TCAIM: variants seen among roughly 807,000 people sequenced by gnomAD.
TCAIM encodes the protein T cell activation inhibitor, mitochondrial, also known as T-cell activation inhibitor, mitochondrial.
Under a neutral mutation model 58.6 loss-of-function variants are expected in TCAIM, and 36 were observed. The ratio of observed to expected loss-of-function variants is 0.61; its 90% confidence interval spans 0.47 to 0.81. The LOEUF (loss-of-function observed/expected upper bound fraction) is 0.81, where lower values mean the gene tolerates loss of function less well. Ranked by LOEUF, TCAIM falls within the 30% of genes least tolerant of loss-of-function variation. TCAIM has a pLI of 0.00. For missense variants in TCAIM, 466 were observed against 579.6 expected (o/e 0.80, Z 2.01); for synonymous variants, 172 against 193.6 (o/e 0.89, Z 0.93).
chr3:44,347,767 A>C (rs374005859), intron 1 of TCAIM, among the ~76,000 whole-genome samples: 150 of 152,214 alleles, frequency 9.9e-4, no homozygotes, highest in African/African-American at 3.5e-3. Flanking sequence ...GTGGGATGGG[A>C]TATTGGCCTT....
intron 9 of TCAIM, 131 bp from the exon 10 acceptor site, chr3:44,401,072 T>C (rs1575281402): frequency 7.6e-7 from 1 of 1,317,668 alleles, no homozygotes. Context: ...TTTAAGTCAA[T>C]GTTGCTGTAC....
chr3:44,345,041 C>T (rs1231858047), intron 1 of TCAIM, among the ~76,000 whole-genome samples: 1 of 152,030 alleles, frequency 6.6e-6, no homozygotes, highest in Admixed American at 6.5e-5. Flanking sequence ...TGTCTTCTTA[C>T]ATTAATAAGA....
At chr3:44,344,380 G>A (rs1700920746) in intron 1 of TCAIM, among the ~76,000 whole-genome samples, 1 of 152,128 alleles carries the variant, frequency 6.6e-6, no homozygotes, top group Non-Finnish European at 1.5e-5. Context: ...ATGATTAAAA[G>A]TCATTAAGGA....
At chr3:44,371,957 G>A (rs1045881982) in intron 5 of TCAIM, among the ~76,000 whole-genome samples, 22 of 148,790 alleles carry the variant, frequency 1.5e-4, no homozygotes, top group African/African-American at 5.2e-4. Context: ...TACCATATTC[G>A]CTCCCCAAAA....
intron 4 of TCAIM, among the ~76,000 whole-genome samples, chr3:44,364,239 TA>T (rs77542917): frequency 3.4e-3 from 474 of 141,230 alleles, no homozygotes; most frequent in Admixed American, 3.9e-3. Context: ...GACTGTCATT[TA>T]AAAAAAAAAA....
At chr3:44,398,445 T>C (rs960671637) in intron 8 of TCAIM, among the ~76,000 whole-genome samples, 3 of 145,232 alleles carry the variant, frequency 2.1e-5, no homozygotes, top group Non-Finnish European at 4.5e-5. Flanking sequence ...GATACAAAGA[T>C]TAGATAGATA....
chr3:44,367,207 G>A (rs1701394246), intron 4 of TCAIM, among the ~76,000 whole-genome samples: 1 of 152,200 alleles, frequency 6.6e-6, no homozygotes, highest in Non-Finnish European at 1.5e-5. Flanking sequence ...CTAGAAAATG[G>A]AGCTGATGAT....
chr3:44,396,920 A>C (rs1701944739), intron 8 of TCAIM, 86 bp downstream of exon 8: 2 of 1,341,784 alleles, frequency 1.5e-6, no homozygotes, highest in Non-Finnish European at 2.1e-6. Flanking sequence ...GGACTAAAAA[A>C]AGGTTTGTTG....
At chr3:44,401,411 A>T in intron 10 of TCAIM, 77 bp downstream of exon 10, 1 of 1,564,856 alleles carries the variant, frequency 6.4e-7, no homozygotes, top group Non-Finnish European at 8.7e-7. Flanking sequence ...ACTCATAAAT[A>T]TGGGACCTGG....
Position 44,358,825 on chromosome 3 carries a change from T to C in TCAIM, c.165+949T>C, listed in dbSNP as rs559554653. The C allele has an allele frequency of 2.2e-5, 22 of 985,434 alleles. No homozygotes were observed. The South Asian group carries it at 7.0e-4, about 32-fold the overall frequency. 61.0% of individuals were successfully genotyped at this position (985,434 alleles called of 1,614,324 possible). ...TTAATATGAAAAGGAACTTGAAATC[T>C]TGAAAATTAGAACATCGTTATTTTT... On this transcript the variant is annotated intron_variant, in intron 3 of 10. Coordinates refer to ENST00000342649, the MANE Select transcript of TCAIM (RefSeq NM_173826.4).
intron 5 of TCAIM, among the ~76,000 whole-genome samples, chr3:44,374,167 A>G (rs1342251459): frequency 6.6e-6 from 1 of 152,122 alleles, no homozygotes; most frequent in Non-Finnish European, 1.5e-5. Context: ...GATTTAACTC[A>G]TATTGTGCGT....
intron 5 of TCAIM, among the ~76,000 whole-genome samples, chr3:44,383,492 A>C (rs567392444): frequency 6.6e-6 from 1 of 152,310 alleles, no homozygotes; most frequent in African/African-American, 2.4e-5. Context: ...TACAAGGAGT[A>C]GTCAAATTCA....
chr3:44,353,503 T>G (rs1176520552), intron 1 of TCAIM, among the ~76,000 whole-genome samples: 1 of 152,242 alleles, frequency 6.6e-6, no homozygotes, highest in East Asian at 1.9e-4. Flanking sequence ...ATTGCCATAC[T>G]GTCTTCCAAA....
At chr3:44,407,266 A>G (rs143931875) in intron 10 of TCAIM, among the ~76,000 whole-genome samples, 176 bp from the exon 11 acceptor site, 2 of 152,314 alleles carry the variant, frequency 1.3e-5, no homozygotes, top group East Asian at 3.9e-4. Flanking sequence ...TTTAACAATG[A>G]TGGCTATTGG....
Position 44,361,390 on chromosome 3 carries a change from G to T in TCAIM, c.191G>T (p.Arg64Met). 6.2e-7 allele frequency: 1 copy of T among 1,604,430 alleles called. No individual in the cohort carries two copies. The highest frequency in any genetic ancestry group is 1.3e-5 in the African/African-American group (1 of 74,444). The change falls in exon 4 of 11, where the codon AGG (arginine) becomes ATG (methionine). Residue 64 changes from arginine (R) to methionine (M), a missense_variant. Physicochemically the swap from Arg to Met is moderately conservative, Grantham distance 91 (BLOSUM62 -1). Coordinates refer to ENST00000342649, the MANE Select transcript of TCAIM (RefSeq NM_173826.4). ...EREINENSLK[R>M]LSVYLENLQK... ...GAAATCAATGAAAATTCTCTTAAAA[G>T]GTTAAGTGTCTACCTAGAAAACCTC... is the stretch of plus-strand genomic sequence containing the variant.
chr3:44,375,123 C>T (rs1414466454), intron 5 of TCAIM, among the ~76,000 whole-genome samples: 1 of 151,780 alleles, frequency 6.6e-6, no homozygotes, highest in Non-Finnish European at 1.5e-5. Flanking sequence ...CAGTTTTTTT[C>T]TTTTTATTTG....
chr3:44,339,961 GC>G (rs1327915969), intron 1 of TCAIM: 9 of 152,240 alleles, frequency 5.9e-5, no homozygotes, highest in African/African-American at 2.2e-4. Context: ...GACTCGGTAT[GC>G]CTCCCAAGTG....
chr3:44,361,681 A>G (rs1701298428), intron 4 of TCAIM, among the ~76,000 whole-genome samples, 163 bp downstream of exon 4: 1 of 152,158 alleles, frequency 6.6e-6, no homozygotes, highest in Non-Finnish European at 1.5e-5. Context: ...CTACCTGCAT[A>G]TGTTCGAACA....
At chr3:44,391,006 A>C (rs770004456) in intron 5 of TCAIM, among the ~76,000 whole-genome samples, 3 of 152,042 alleles carry the variant, frequency 2.0e-5, no homozygotes, top group Non-Finnish European at 2.9e-5. Flanking sequence ...GACTCCATCC[A>C]GGTCACTCAT....
Sources: gnomAD v4.1 joint callset for allele counts (sites outside exome capture counted in the v4.1 genomes callset) on GRCh38, gnomAD v4.1.1 for gene constraint, MANE v1.5 for transcripts, NCBI Gene and HGNC (gene_info 2026-07-23, HGNC 2026-07-21) for gene names.